Variants in OR1J2 observed in about 807,000 individuals in gnomAD.
OR1J2 encodes olfactory receptor family 1 subfamily J member 2, also known as olfactory receptor 1J2.
For missense variants in OR1J2, 304 were observed against 246.1 expected, an observed-to-expected ratio of 1.24 and a Z score of -1.57; for synonymous variants, 142 against 99.7, an observed-to-expected ratio of 1.42 and a Z score of -2.52.
At chr9:122,476,679 A>G in the OR1J2 span, among the ~76,000 whole-genome samples, 1 of 151,924 alleles carries the variant, frequency 6.6e-6, no homozygotes. Flanking sequence ...AGTTAGAATA[A>G]TGGTTTTTTT....
chr9:122,491,676 C>T, the OR1J2 span, among the ~76,000 whole-genome samples: 1 of 151,958 alleles, frequency 6.6e-6, no homozygotes, highest in African/African-American at 2.4e-5. Flanking sequence ...AGGAGCAATG[C>T]AAATAAAAGG....
At chr9:122,526,689 C>A in the OR1J2 span, 1 of 1,614,072 alleles carries the variant, frequency 6.2e-7, no homozygotes, top group Non-Finnish European at 8.5e-7. Flanking sequence ...GAGTACGGTG[C>A]CTCCCAAGAC....
the OR1J2 span, among the ~76,000 whole-genome samples, chr9:122,533,296 G>A: frequency 6.6e-6 from 1 of 152,204 alleles, no homozygotes; most frequent in Non-Finnish European, 1.5e-5. Context: ...ATTTTAAGGA[G>A]AGTTTATAGG....
the OR1J2 span, among the ~76,000 whole-genome samples, chr9:122,561,031 A>C: frequency 6.6e-6 from 1 of 151,984 alleles, no homozygotes; most frequent in Non-Finnish European, 1.5e-5. Context: ...ATCCCTTTTC[A>C]TTCTTTTTCC....
At chr9:122,468,020 TTTTTCCTA>T in the OR1J2 span, among the ~76,000 whole-genome samples, 1 of 152,174 alleles carries the variant, frequency 6.6e-6, no homozygotes, top group Non-Finnish European at 1.5e-5. Context: ...TTACTGAAAG[TTTTTCCTA>T]TTTTCTCAAA....
At chr9:122,456,427 G>C in the OR1J2 span, among the ~76,000 whole-genome samples, 1 of 152,136 alleles carries the variant, frequency 6.6e-6, no homozygotes, top group Non-Finnish European at 1.5e-5. Context: ...AATCTGCCAA[G>C]ACAGGGGAAC....
At chr9:122,470,490 C>A in the OR1J2 span, among the ~76,000 whole-genome samples, 1 of 152,168 alleles carries the variant, frequency 6.6e-6, no homozygotes, top group Non-Finnish European at 1.5e-5. Flanking sequence ...TCATGGAGAA[C>A]CTTTGCTAGG....
chr9:122,557,836 G>A, the OR1J2 span, among the ~76,000 whole-genome samples: 1 of 151,974 alleles, frequency 6.6e-6, no homozygotes, highest in Non-Finnish European at 1.5e-5. Flanking sequence ...ATCCCATCTA[G>A]GCCTGGTACT....
the OR1J2 span, chr9:122,553,604 A>G: frequency 9.9e-6 from 16 of 1,613,952 alleles, no homozygotes; most frequent in East Asian, 3.3e-4. Context: ...CCATCTGCCA[A>G]CCACTCCATT....
the OR1J2 span, among the ~76,000 whole-genome samples, chr9:122,474,217 T>C: frequency 1.3e-5 from 2 of 152,250 alleles, no homozygotes; most frequent in East Asian, 1.9e-4. Context: ...GTTAAATCTT[T>C]GCAGAAATAC....
the OR1J2 span, among the ~76,000 whole-genome samples, chr9:122,450,360 G>T: frequency 2.6e-4 from 40 of 152,198 alleles, 1 homozygote; most frequent in Admixed American, 2.2e-3. Context: ...GAACCTGGAA[G>T]GTGGAGGTTG....
the OR1J2 span, among the ~76,000 whole-genome samples, chr9:122,576,480 C>A: frequency 1.3e-5 from 2 of 151,970 alleles, no homozygotes; most frequent in African/African-American, 2.4e-5. Flanking sequence ...GATGATCTGC[C>A]CGCCTTGGCC....
chr9:122,513,816 AG>A (rs201499501), downstream of OR1J2, among the ~76,000 whole-genome samples: 1,429 of 152,234 alleles, frequency 9.4e-3, 20 homozygotes, highest in African/African-American at 0.033. Flanking sequence ...TCTTTTCAAA[AG>A]GGCAAGCCGC....
the OR1J2 span, among the ~76,000 whole-genome samples, chr9:122,528,844 G>A: frequency 0.011 from 1,708 of 152,314 alleles, 18 homozygotes; most frequent in African/African-American, 0.039. Flanking sequence ...CTTGGAGGAA[G>A]ATACGGTATG....
chr9:122,511,751 C>A (rs1828642853), downstream of OR1J2: 2 of 779,900 alleles, frequency 2.6e-6, no homozygotes, highest in South Asian at 2.7e-5. Context: ...TGACATCTGA[C>A]TTTTTAAAAA....
At chr9:122,471,656 T>C in the OR1J2 span, among the ~76,000 whole-genome samples, 2 of 152,220 alleles carry the variant, frequency 1.3e-5, no homozygotes, top group Non-Finnish European at 2.9e-5. Context: ...CATTCAAAAT[T>C]AGACACTGTG....
the OR1J2 span, among the ~76,000 whole-genome samples, chr9:122,544,415 CTTTTTTTTTT>C: frequency 1.2e-5 from 1 of 85,358 alleles, no homozygotes; most frequent in African/African-American, 4.8e-5. Flanking sequence ...CCTCTTTTTT[CTTTTTTTTTT>C]TTTTTTTTTT....
At chr9:122,514,192 A>G (rs542137460), downstream of OR1J2, among the ~76,000 whole-genome samples, 49 of 152,160 alleles carry the variant, frequency 3.2e-4, no homozygotes, top group African/African-American at 1.1e-3. Context: ...GGTTTGTTAC[A>G]TGGGTATATT....
the OR1J2 span, among the ~76,000 whole-genome samples, chr9:122,559,031 A>G: frequency 1.3e-5 from 2 of 152,056 alleles, no homozygotes; most frequent in African/African-American, 4.8e-5. Flanking sequence ...TCATCTCAAC[A>G]TCTGTCATTT....
Sources: allele counts gnomAD v4.1 joint callset (sites outside exome capture counted in the v4.1 genomes callset), GRCh38; gene constraint gnomAD v4.1.1; transcripts MANE v1.5; gene names NCBI Gene and HGNC (gene_info 2026-07-23, HGNC 2026-07-21).